Variants in SHLD1 observed in about 807,000 individuals in gnomAD.
SHLD1 encodes the protein shieldin complex subunit 1.
In SHLD1, 3 loss-of-function variants were observed where a neutral mutation model predicts 5.5. The observed-to-expected ratio is 0.54, with a 90% CI of 0.25 to 1.40. The LOEUF is 1.40. SHLD1 is among the 40% of genes most tolerant of loss of function. The probability of loss-of-function intolerance (pLI) is 0.15; values close to 1 mark genes in which losing one functional copy is unlikely to be tolerated. For missense variants in SHLD1, 210 were observed against 244.4 expected (o/e 0.86, Z 0.94); for synonymous variants, 92 against 94.3 (o/e 0.98, Z 0.14).
In SHLD1 at chr20:5,759,188, C is replaced by T. The variant is rs189508796; in HGVS notation, c.-5+8709C>T. Among the ~76,000 whole-genome samples, 606 of 151,418 alleles carry T rather than the reference C, an allele frequency of 4.0e-3. 4 individuals are homozygous for T. Among genetic ancestry groups the T allele is most frequent in the African/African-American group, 0.014 (578 of 41,210 alleles). The stretch of plus-strand genomic sequence containing the variant: ...CAGGCTGGTCTCAAACTCCTGACCT[C>T]GTGATCCGCCCACCTCGGCCTCCCA... On this transcript the variant is annotated intron_variant, in intron 1 of 2. Transcript: ENST00000303142.
At chr20:5,796,701 C>A (rs2087217362) in intron 2 of SHLD1, among the ~76,000 whole-genome samples, 1 of 151,710 alleles carries the variant, frequency 6.6e-6, no homozygotes, top group African/African-American at 2.4e-5. Flanking sequence ...GAGTGGCATG[C>A]GCATATAGTG....
At chr20:5,854,969 A>G (rs2088063306) in intron 2 of SHLD1, among the ~76,000 whole-genome samples, 1 of 149,118 alleles carries the variant, frequency 6.7e-6, no homozygotes, top group South Asian at 2.1e-4. Flanking sequence ...GATCTCCTGG[A>G]CTCAAGTGAT....
At chr20:5,752,615 GTT>G (rs776510495) in intron 1 of SHLD1, among the ~76,000 whole-genome samples, 13 of 120,582 alleles carry the variant, frequency 1.1e-4, no homozygotes, top group Non-Finnish European at 1.1e-4. Context: ...ATATTTTGGG[GTT>G]TTTTTTTTTT....
chr20:5,799,427 A>G (rs1427060525), intron 2 of SHLD1, among the ~76,000 whole-genome samples: 1 of 150,292 alleles, frequency 6.7e-6, no homozygotes, highest in Non-Finnish European at 1.5e-5. Flanking sequence ...TGGCCCCCCA[A>G]GTAGCTGAGA....
chr20:5,796,600 G>C (rs370080420), intron 2 of SHLD1, among the ~76,000 whole-genome samples: 6 of 152,206 alleles, frequency 3.9e-5, no homozygotes, highest in South Asian at 2.1e-4. Context: ...GCTAAGGCGG[G>C]TGGATCACTT....
chr20:5,783,011 C>G (rs2087008080), intron 2 of SHLD1, among the ~76,000 whole-genome samples: 1 of 152,132 alleles, frequency 6.6e-6, no homozygotes, highest in South Asian at 2.1e-4. Flanking sequence ...GGCTAATACC[C>G]AGTCACTAGA....
chr20:5,829,779 A>G (rs755507836), intron 2 of SHLD1, among the ~76,000 whole-genome samples: 36 of 152,250 alleles, frequency 2.4e-4, no homozygotes, highest in Non-Finnish European at 3.8e-4. Flanking sequence ...AAATGTAATT[A>G]TAAGTTGTGT....
chr20:5,757,728 G>A (rs1328953438), intron 1 of SHLD1, among the ~76,000 whole-genome samples: 2 of 151,812 alleles, frequency 1.3e-5, no homozygotes, highest in South Asian at 2.1e-4. Flanking sequence ...TCAGCCCCCC[G>A]AGTACCTGGG....
chr20:5,803,303 G>A (rs2087324575), intron 2 of SHLD1, among the ~76,000 whole-genome samples: 2 of 152,060 alleles, frequency 1.3e-5, no homozygotes, highest in African/African-American at 2.4e-5. Flanking sequence ...GCTGGGACTT[G>A]AGATGAGTAC....
intron 2 of SHLD1, among the ~76,000 whole-genome samples, chr20:5,777,925 C>T (rs1359382052): frequency 6.6e-6 from 1 of 152,096 alleles, no homozygotes; most frequent in East Asian, 1.9e-4. Context: ...CTATTTTATT[C>T]AAACTTAAAC....
intron 2 of SHLD1, among the ~76,000 whole-genome samples, chr20:5,777,370 GA>G (rs1368280019): frequency 6.6e-6 from 1 of 152,048 alleles, no homozygotes; most frequent in Non-Finnish European, 1.5e-5. Flanking sequence ...AACAAACTTG[GA>G]AAAGTTAGGA....
At chr20:5,849,653 G>T (rs2087976254) in intron 2 of SHLD1, among the ~76,000 whole-genome samples, 1 of 152,288 alleles carries the variant, frequency 6.6e-6, no homozygotes, top group Admixed American at 6.5e-5. Flanking sequence ...AAATGAAAAG[G>T]GGTGCCATTA....
At chr20:5,823,007 C>T (rs1568520042) in intron 2 of SHLD1, among the ~76,000 whole-genome samples, 2 of 149,592 alleles carry the variant, frequency 1.3e-5, no homozygotes, top group African/African-American at 5.0e-5. Context: ...ACCCCGCCCC[C>T]ACCCCCATAT....
At chr20:5,767,836 A>G (rs1984927999) in intron 1 of SHLD1, among the ~76,000 whole-genome samples, 1 of 152,150 alleles carries the variant, frequency 6.6e-6, no homozygotes, top group Non-Finnish European at 1.5e-5. Flanking sequence ...CCAGAGCTTA[A>G]TTAAAGAGTC....
In SHLD1 at chr20:5,752,126, T is replaced by G. The variant is rs369257604; in HGVS notation, c.-5+1647T>G. Among the ~76,000 whole-genome samples the G allele has an allele frequency of 4.6e-5, 7 of 152,314 alleles. 1 individual carries two copies. The highest frequency in any genetic ancestry group is 2.6e-4 in the Admixed American group (4 of 15,282). Reference sequence around the variant, plus strand: ...ATGACTAGAGATGGGCTGGGCTCCATGGCTCACACCTGTAATCTCAACGCT... The same window carrying G: ...ATGACTAGAGATGGGCTGGGCTCCAGGGCTCACACCTGTAATCTCAACGCT... On this transcript the variant is annotated intron_variant, in intron 1 of 2. Transcript: ENST00000303142.
At chr20:5,765,991 G>T (rs919493604) in intron 1 of SHLD1, among the ~76,000 whole-genome samples, 3 of 151,848 alleles carry the variant, frequency 2.0e-5, no homozygotes, top group Admixed American at 1.3e-4. Context: ...TGAAAACAAA[G>T]AAAATATAGG....
At chr20:5,752,622 T>G (rs1388047751) in intron 1 of SHLD1, among the ~76,000 whole-genome samples, 4 of 150,686 alleles carry the variant, frequency 2.7e-5, no homozygotes, top group African/African-American at 4.9e-5. Flanking sequence ...GGGGTTTTTT[T>G]TTTTTTTTTT....
At chr20:5,827,426 A>G (rs999079958) in intron 2 of SHLD1, among the ~76,000 whole-genome samples, 4 of 152,150 alleles carry the variant, frequency 2.6e-5, no homozygotes, top group Non-Finnish European at 5.9e-5. Flanking sequence ...AGACGGGGAG[A>G]GCAGATATAG....
At chr20:5,795,451 T>C (rs555926922) in intron 2 of SHLD1, among the ~76,000 whole-genome samples, 7 of 151,716 alleles carry the variant, frequency 4.6e-5, no homozygotes. Context: ...TACAAAAAAT[T>C]AGCTGGATGT....
Sources: allele counts gnomAD v4.1 joint callset (sites outside exome capture counted in the v4.1 genomes callset), GRCh38; gene constraint gnomAD v4.1.1; transcripts MANE v1.5; gene names NCBI Gene and HGNC (gene_info 2026-07-23, HGNC 2026-07-21).